Variants in BMPR1A observed in about 807,000 individuals in gnomAD.
The protein encoded by BMPR1A is bone morphogenetic protein receptor type 1A.
Under a neutral mutation model 66.0 loss-of-function variants are expected in BMPR1A, and 7 were observed. That is an observed-to-expected ratio of 0.11 (90% confidence interval 0.06 to 0.20). The LOEUF is 0.20. BMPR1A is among the 10% of genes least tolerant of loss of function. The pLI is 1.00. For synonymous variants in BMPR1A, 200 were observed against 229.7 expected, an observed-to-expected ratio of 0.87 and a Z score of 1.17; for missense variants, 408 against 669.1, an observed-to-expected ratio of 0.61 and a Z score of 4.31.
At chr10:86,823,475 A>G (rs1321545035) in intron 1 of BMPR1A, among the ~76,000 whole-genome samples, 1 of 152,264 alleles carries the variant, frequency 6.6e-6, no homozygotes, top group Non-Finnish European at 1.5e-5. Context: ...GTCTGGCTAC[A>G]GAGCCCATGC....
intron 4 of BMPR1A, among the ~76,000 whole-genome samples, chr10:86,890,979 A>G (rs1473182416): frequency 6.6e-6 from 1 of 152,214 alleles, no homozygotes; most frequent in South Asian, 2.1e-4. Context: ...AATTGCCTGA[A>G]CAACTCAACC....
intron 8 of BMPR1A, among the ~76,000 whole-genome samples, chr10:86,913,707 A>T (rs1034575058): frequency 4.6e-5 from 7 of 152,220 alleles, no homozygotes; most frequent in Non-Finnish European, 2.9e-5. Flanking sequence ...TATTTAGAAT[A>T]AGCCTAACAA....
chr10:86,855,619 C>A, intron 2 of BMPR1A: 1 of 634,846 alleles, frequency 1.6e-6, no homozygotes. Context: ...TATTTACTTT[C>A]TGTAAAGGAA....
intron 7 of BMPR1A, among the ~76,000 whole-genome samples, chr10:86,909,759 G>C (rs376315612): frequency 2.0e-5 from 3 of 152,008 alleles, no homozygotes; most frequent in Non-Finnish European, 4.4e-5. Context: ...AAAGGTAGGC[G>C]AATAAAGATG....
chr10:86,913,088 A>G (rs1843514224), intron 8 of BMPR1A, among the ~76,000 whole-genome samples: 1 of 152,014 alleles, frequency 6.6e-6, no homozygotes, highest in African/African-American at 2.4e-5. Flanking sequence ...ATTAGTTGAA[A>G]GAAACTGATC....
At chr10:86,829,419 T>G (rs1842238619) in intron 1 of BMPR1A, among the ~76,000 whole-genome samples, 1 of 152,184 alleles carries the variant, frequency 6.6e-6, no homozygotes, top group Non-Finnish European at 1.5e-5. Flanking sequence ...ACCTTTCCCT[T>G]AATGGTAACT....
chr10:86,847,812 C>T (rs1842508435), intron 2 of BMPR1A, among the ~76,000 whole-genome samples: 2 of 151,818 alleles, frequency 1.3e-5, no homozygotes, highest in South Asian at 4.2e-4. Context: ...CTCCTCACCA[C>T]CCTCCTTGCC....
chr10:86,875,793 T>C (rs1842914175), intron 2 of BMPR1A, 74 bp from the exon 3 acceptor site: 1 of 587,230 alleles, frequency 1.7e-6, no homozygotes, highest in Admixed American at 3.0e-5. Flanking sequence ...TGGGCATTTG[T>C]TTCCCTTTTA....
At chr10:86,820,245 G>A (rs532400042) in intron 1 of BMPR1A, among the ~76,000 whole-genome samples, 3 of 152,216 alleles carry the variant, frequency 2.0e-5, no homozygotes, top group African/African-American at 4.8e-5. Context: ...GTTTTGCCAC[G>A]TTGCCATGGC....
chr10:86,862,840 A>T (rs1297400497), intron 2 of BMPR1A, among the ~76,000 whole-genome samples: 1 of 152,212 alleles, frequency 6.6e-6, no homozygotes, highest in Non-Finnish European at 1.5e-5. Flanking sequence ...TACACCAAGT[A>T]AAGAGGCTGT....
At chr10:86,767,991 TC>T (rs1243699647) in intron 1 of BMPR1A, among the ~76,000 whole-genome samples, 1 of 152,202 alleles carries the variant, frequency 6.6e-6, no homozygotes, top group African/African-American at 2.4e-5. Flanking sequence ...CTTTTCTAGT[TC>T]CAGTTCCCCT....
chr10:86,860,919 G>A (rs1842704554), intron 2 of BMPR1A, among the ~76,000 whole-genome samples: 1 of 145,218 alleles, frequency 6.9e-6, no homozygotes. Flanking sequence ...TCGGCTCACT[G>A]CAAGCTCCAC....
chr10:86,860,416 A>G (rs989198008), intron 2 of BMPR1A, among the ~76,000 whole-genome samples: 2 of 152,182 alleles, frequency 1.3e-5, no homozygotes, highest in Non-Finnish European at 2.9e-5. Context: ...AGGCAAGTTG[A>G]TGTGTGTTTA....
intron 1 of BMPR1A, among the ~76,000 whole-genome samples, chr10:86,777,204 A>ATG (rs1564680865): frequency 6.6e-6 from 1 of 152,118 alleles, no homozygotes; most frequent in African/African-American, 2.4e-5. Context: ...GAGAAACCCC[A>ATG]GTTTCTCTAT....
intron 1 of BMPR1A, among the ~76,000 whole-genome samples, chr10:86,762,782 A>C (rs1409871982): frequency 6.6e-6 from 1 of 152,220 alleles, no homozygotes; most frequent in Non-Finnish European, 1.5e-5. Context: ...CTGATAAGGG[A>C]AGCTGGGCTG....
At chr10:86,815,241 AAC>A (rs1264614752) in intron 1 of BMPR1A, among the ~76,000 whole-genome samples, 6 of 152,190 alleles carry the variant, frequency 3.9e-5, no homozygotes, top group African/African-American at 1.4e-4. Flanking sequence ...TCCGTTATGA[AAC>A]ACAGATTGCC....
At chr10:86,764,191 G>A (rs1841126279) in intron 1 of BMPR1A, among the ~76,000 whole-genome samples, 1 of 152,166 alleles carries the variant, frequency 6.6e-6, no homozygotes, top group South Asian at 2.1e-4. Flanking sequence ...AGAGTATAGG[G>A]TCTTGAGTGT....
Position 86,925,929 on chromosome 10 carries a change from T to G in BMPR1A, c.*2210T>G, listed in dbSNP as rs562430817. The G allele has an allele frequency of 2.5e-5, 4 of 162,872 alleles. No homozygotes were observed. Among genetic ancestry groups the G allele is most frequent in the South Asian group, 4.1e-4 (2 of 4,864 alleles). The allele number at this position is 162,872 out of a possible 1,614,324, so 10.1% of individuals were successfully genotyped here. ...TTTTTAGTAGAGACGGGGTTTCACCTTGTTAGCCAGGATGGTCTCAATCTC... is the reference window on the plus strand; with the variant it reads ...TTTTTAGTAGAGACGGGGTTTCACCGTGTTAGCCAGGATGGTCTCAATCTC... On this transcript the variant is annotated 3_prime_UTR_variant, in exon 13 of 13. Coordinates refer to ENST00000372037, the MANE Select transcript of BMPR1A (RefSeq NM_004329.3).
At chr10:86,778,352 C>T (rs969545060) in intron 1 of BMPR1A, among the ~76,000 whole-genome samples, 1 of 151,582 alleles carries the variant, frequency 6.6e-6, no homozygotes, top group African/African-American at 2.4e-5. Flanking sequence ...CCATGTTGTC[C>T]AGGCCATTCC....
Sources: gnomAD v4.1 joint callset for allele counts (sites outside exome capture counted in the v4.1 genomes callset) on GRCh38, gnomAD v4.1.1 for gene constraint, MANE v1.5 for transcripts, NCBI Gene and HGNC (gene_info 2026-07-23, HGNC 2026-07-21) for gene names.